MED12L: variants seen among roughly 807,000 people sequenced by gnomAD.
MED12L encodes mediator complex subunit 12L.
MED12L carries 60 observed loss-of-function variants against 281.3 expected under a neutral mutation model. The observed-to-expected ratio is 0.21, with a 90% CI of 0.17 to 0.26. The LOEUF (loss-of-function observed/expected upper bound fraction) is 0.26, where lower values mean the gene tolerates loss of function less well. MED12L is among the 10% of genes least tolerant of loss of function. The pLI, the probability that MED12L is intolerant of heterozygous loss-of-function variation, is 1.00. For missense variants in MED12L, 2,146 were observed against 2,680.9 expected, an observed-to-expected ratio of 0.80 and a Z score of 4.41; for synonymous variants, 974 against 987.2, an observed-to-expected ratio of 0.99 and a Z score of 0.25.
At chr3:151,142,118 T>G (rs1232759869) in intron 5 of MED12L, among the ~76,000 whole-genome samples, 1 of 152,248 alleles carries the variant, frequency 6.6e-6, no homozygotes, top group Non-Finnish European at 1.5e-5. Context: ...GGGCTAGTTT[T>G]CTTGAAAATT....
At chr3:151,362,282 C>T (rs1491978) in intron 21 of MED12L, among the ~76,000 whole-genome samples, 115,773 of 151,918 alleles carry the variant, frequency 0.76, 44,931 homozygotes, top group African/African-American at 0.91. Context: ...CAGTGATTTT[C>T]CACCCACTCA....
At chr3:151,407,215 A>T (rs1324814346) in intron 39 of MED12L, among the ~76,000 whole-genome samples, 1 of 152,210 alleles carries the variant, frequency 6.6e-6, no homozygotes, top group Non-Finnish European at 1.5e-5. Context: ...CATGTAAGTC[A>T]TAATGTGTTT....
At chr3:151,401,281 GTT>G (rs112050479) in intron 39 of MED12L, among the ~76,000 whole-genome samples, 11 of 142,568 alleles carry the variant, frequency 7.7e-5, no homozygotes, top group African/African-American at 1.8e-4. Context: ...TTTTTTGTTT[GTT>G]TTTTTTTTTA....
At chr3:151,111,156 C>G (rs1711824572) in intron 2 of MED12L, among the ~76,000 whole-genome samples, 1 of 152,192 alleles carries the variant, frequency 6.6e-6, no homozygotes, top group Non-Finnish European at 1.5e-5. Context: ...AGGAAAGGGT[C>G]TTTTTATTTT....
intron 16 of MED12L, among the ~76,000 whole-genome samples, chr3:151,271,971 A>G (rs777385196): frequency 6.6e-6 from 1 of 152,208 alleles, no homozygotes; most frequent in Non-Finnish European, 1.5e-5. Flanking sequence ...TTAAAATCTA[A>G]TTTTCATTTA....
intron 16 of MED12L, chr3:151,300,201 G>T: frequency 2.4e-6 from 2 of 842,016 alleles, no homozygotes. Flanking sequence ...TTTGATTTCT[G>T]GGGAGAAAAT....
intron 16 of MED12L, chr3:151,337,678 T>C: frequency 1.2e-6 from 1 of 813,478 alleles, no homozygotes; most frequent in Non-Finnish European, 1.9e-6. Flanking sequence ...AAATGAAAAT[T>C]GCTTTTGTAA....
At chr3:151,303,252 T>C (rs1746183382) in intron 16 of MED12L, among the ~76,000 whole-genome samples, 1 of 152,132 alleles carries the variant, frequency 6.6e-6, no homozygotes. Context: ...GTAGGACCCA[T>C]GAAAGGACAA....
In MED12L at chr3:151,104,100, C is replaced by T. The variant is rs1454692112; in HGVS notation, c.100-12238C>T. Among the ~76,000 whole-genome samples, 4 of 152,134 alleles carry T rather than the reference C, an allele frequency of 2.6e-5. No homozygotes were observed. The East Asian group carries it at 7.7e-4, about 29-fold the overall frequency. On this transcript the variant is annotated intron_variant, in intron 2 of 44. Transcript: ENST00000687756. ...CATATCCTTTTGGTTTTGTTGGTCC[C>T]CACAGTTCGTGATTGATGGCCTGCA...
At chr3:151,373,072 T>C (rs893964018) in intron 27 of MED12L, among the ~76,000 whole-genome samples, 1 of 152,224 alleles carries the variant, frequency 6.6e-6, no homozygotes, top group African/African-American at 2.4e-5. Flanking sequence ...TTTATTCTTT[T>C]GAATATTGCA....
At chr3:151,321,630 A>G (rs1009740414) in intron 16 of MED12L, among the ~76,000 whole-genome samples, 8 of 152,226 alleles carry the variant, frequency 5.3e-5, no homozygotes, top group Non-Finnish European at 4.4e-5. Flanking sequence ...TTCAAAAATA[A>G]AGGTGGACAT....
chr3:151,181,966 AC>A (rs1344965454), intron 11 of MED12L, among the ~76,000 whole-genome samples: 1 of 152,110 alleles, frequency 6.6e-6, no homozygotes, highest in Non-Finnish European at 1.5e-5. Context: ...TGCAATAATA[AC>A]TCAGTGGAAT....
At chr3:151,377,772 C>G (rs1440425773) in intron 30 of MED12L, among the ~76,000 whole-genome samples, 3 of 152,126 alleles carry the variant, frequency 2.0e-5, no homozygotes, top group Non-Finnish European at 4.4e-5. Flanking sequence ...ACATTAAAGT[C>G]AGTTTAGTTA....
chr3:151,253,555 A>G (rs1370859304), intron 16 of MED12L, among the ~76,000 whole-genome samples: 2 of 152,102 alleles, frequency 1.3e-5, no homozygotes, highest in Non-Finnish European at 2.9e-5. Flanking sequence ...CTCTCTCTGA[A>G]TTCCTATAGT....
chr3:151,389,918 G>A lies in MED12L; in HGVS notation c.5452-61G>A. 5.2e-6 allele frequency: 8 copies of A among 1,544,336 alleles called. 1 individual carries two copies. In the South Asian group the frequency reaches 9.1e-5, roughly 18 times the overall value. On this transcript the variant is annotated intron_variant, in intron 37 of 44. Transcript: ENST00000687756. ...CTCAGATAGCTTACTGAAGTTATTTGCATTAATTAGCTGTGTGATATGTGG... is the reference window on the plus strand; with the variant it reads ...CTCAGATAGCTTACTGAAGTTATTTACATTAATTAGCTGTGTGATATGTGG...
intron 16 of MED12L, chr3:151,213,730 C>T (rs1430428990): frequency 6.2e-7 from 1 of 1,614,006 alleles, no homozygotes; most frequent in Non-Finnish European, 8.5e-7. Context: ...AAACACAATC[C>T]AGAAGATGGC....
chr3:151,089,051 TC>T (rs1326551533), intron 2 of MED12L, among the ~76,000 whole-genome samples: 1 of 152,138 alleles, frequency 6.6e-6, no homozygotes, highest in African/African-American at 2.4e-5. Flanking sequence ...ATGTCCTACC[TC>T]CCTCAAGATT....
At chr3:151,226,188 G>A (rs1013519692) in intron 16 of MED12L, among the ~76,000 whole-genome samples, 4 of 152,194 alleles carry the variant, frequency 2.6e-5, no homozygotes, top group Non-Finnish European at 4.4e-5. Flanking sequence ...GGTGGCATCA[G>A]GGCAGCCTTC....
At chr3:151,267,593 TAA>T (rs1559960639) in intron 16 of MED12L, among the ~76,000 whole-genome samples, 1 of 152,182 alleles carries the variant, frequency 6.6e-6, no homozygotes, top group Non-Finnish European at 1.5e-5. Context: ...AACATTTTTT[TAA>T]AGCCACCTAA....
Sources: allele counts gnomAD v4.1 joint callset (sites outside exome capture counted in the v4.1 genomes callset), GRCh38; gene constraint gnomAD v4.1.1; transcripts MANE v1.5; gene names NCBI Gene and HGNC (gene_info 2026-07-23, HGNC 2026-07-21).